Variants in SORCS1 observed in about 807,000 individuals in gnomAD.
SORCS1 encodes the protein sortilin related VPS10 domain containing receptor 1, also known as VPS10 domain-containing receptor SorCS1.
A neutral mutation model predicts 146.1 loss-of-function variants in SORCS1; 60 were observed. The observed-to-expected ratio is 0.41, with a 90% confidence interval of 0.33 to 0.51. SORCS1 has a LOEUF of 0.51. SORCS1 is among the 20% of genes least tolerant of loss of function. SORCS1 has a pLI of 0.21. For missense variants in SORCS1, 1,352 were observed against 1,487.6 expected (o/e 0.91, Z 1.50); for synonymous variants, 637 against 584.0 (o/e 1.09, Z -1.31).
intron 1 of SORCS1, among the ~76,000 whole-genome samples, chr10:106,981,390 T>C (rs1376919255): frequency 6.6e-6 from 1 of 152,210 alleles, no homozygotes; most frequent in Non-Finnish European, 1.5e-5. Flanking sequence ...TTTTTGAGGT[T>C]AAAAACTTTT....
chr10:106,704,690 AAAAAC>A (rs776872415), intron 8 of SORCS1, among the ~76,000 whole-genome samples: 4 of 152,210 alleles, frequency 2.6e-5, no homozygotes, highest in Non-Finnish European at 5.9e-5. Flanking sequence ...ATTGTGTCTC[AAAAAC>A]AAAACAAAAC....
intron 3 of SORCS1, among the ~76,000 whole-genome samples, chr10:106,801,032 C>A (rs1946841250): frequency 1.3e-5 from 2 of 152,182 alleles, no homozygotes; most frequent in Admixed American, 1.3e-4. Flanking sequence ...CACACTGGAA[C>A]CTTTCATCGT....
chr10:107,134,765 A>T lies in SORCS1; in HGVS notation c.558+29204T>A, dbSNP rs570351623. Among the ~76,000 whole-genome samples the T allele has an allele frequency of 2.0e-5, 3 of 152,322 alleles. No individual in the cohort carries two copies. In the South Asian group the frequency reaches 6.2e-4, roughly 32 times the overall value. On this transcript the variant is annotated intron_variant, in intron 1 of 25. Transcript: ENST00000263054. The stretch of plus-strand genomic sequence containing the variant: ...GAAAAGTCATTATCGTTCCAGATAC[A>T]CTATAGGGAACCCGGAAGGATTTTA...
At chr10:107,167,779 T>G (rs773623568), upstream of SORCS1, among the ~76,000 whole-genome samples, 4 of 151,930 alleles carry the variant, frequency 2.6e-5, no homozygotes, top group African/African-American at 9.7e-5. Flanking sequence ...ATATACAATA[T>G]AAACATATGT....
At chr10:107,151,569 T>C (rs1968799478) in intron 1 of SORCS1, among the ~76,000 whole-genome samples, 1 of 152,148 alleles carries the variant, frequency 6.6e-6, no homozygotes, top group Non-Finnish European at 1.5e-5. Context: ...TTATTAACTA[T>C]GACGAGAATA....
At chr10:106,963,957 A>G (rs562733286) in intron 1 of SORCS1, among the ~76,000 whole-genome samples, 4 of 152,352 alleles carry the variant, frequency 2.6e-5, no homozygotes, top group South Asian at 2.1e-4. Context: ...AAGTGTTTCT[A>G]TCTTTCAAGG....
At chr10:107,119,907 TG>T (rs1966289210) in intron 1 of SORCS1, among the ~76,000 whole-genome samples, 1 of 152,166 alleles carries the variant, frequency 6.6e-6, no homozygotes, top group South Asian at 2.1e-4. Context: ...TCTCTATCTA[TG>T]GAACTATCCG....
At chr10:106,598,142 G>A (rs528918943) in intron 23 of SORCS1, among the ~76,000 whole-genome samples, 2 of 151,924 alleles carry the variant, frequency 1.3e-5, no homozygotes, top group African/African-American at 4.8e-5. Flanking sequence ...AAAATGGTTC[G>A]TCTGTTTAGA....
At chr10:106,665,643 T>G (rs1851075489) in intron 17 of SORCS1, among the ~76,000 whole-genome samples, 1 of 152,160 alleles carries the variant, frequency 6.6e-6, no homozygotes, top group African/African-American at 2.4e-5. Flanking sequence ...TTTTAACACA[T>G]TAAAACAAAA....
intron 2 of SORCS1, among the ~76,000 whole-genome samples, chr10:106,927,838 CAG>C (rs1330201507): frequency 6.6e-6 from 1 of 151,916 alleles, no homozygotes; most frequent in African/African-American, 2.4e-5. Flanking sequence ...GAGCTAGACA[CAG>C]AGTGCCGATT....
intron 2 of SORCS1, among the ~76,000 whole-genome samples, chr10:106,901,092 G>A (rs1951682334): frequency 6.6e-6 from 1 of 152,130 alleles, no homozygotes; most frequent in South Asian, 2.1e-4. Flanking sequence ...TTATAGCCCA[G>A]CACCTAAAAT....
chr10:106,910,685 G>A (rs1952109673), intron 2 of SORCS1, among the ~76,000 whole-genome samples: 1 of 152,122 alleles, frequency 6.6e-6, no homozygotes, highest in Non-Finnish European at 1.5e-5. Context: ...ACTGAACAAA[G>A]ATACACATAC....
At chr10:106,721,848 G>C (rs143360916) in intron 6 of SORCS1, among the ~76,000 whole-genome samples, 1 of 152,044 alleles carries the variant, frequency 6.6e-6, no homozygotes, top group East Asian at 1.9e-4. Flanking sequence ...ATAACCAGAG[G>C]TCTGTATATC....
intron 13 of SORCS1, among the ~76,000 whole-genome samples, chr10:106,676,253 G>A (rs1231489563): frequency 1.3e-5 from 2 of 152,276 alleles, no homozygotes; most frequent in East Asian, 1.9e-4. Flanking sequence ...AGTTAAAAGA[G>A]CCTATTGATA....
intron 1 of SORCS1, among the ~76,000 whole-genome samples, chr10:107,055,714 T>C (rs982967466): frequency 1.3e-5 from 2 of 152,122 alleles, no homozygotes; most frequent in Admixed American, 6.6e-5. Flanking sequence ...AGAAAAATAA[T>C]ACGGCTGAAC....
At chr10:107,020,090 C>G (rs533719412) in intron 1 of SORCS1, among the ~76,000 whole-genome samples, 1 of 152,210 alleles carries the variant, frequency 6.6e-6, no homozygotes, top group African/African-American at 2.4e-5. Context: ...GAGATGAAGT[C>G]AATTTGGGAT....
intron 2 of SORCS1, among the ~76,000 whole-genome samples, chr10:106,897,077 T>G (rs975997979): frequency 1.3e-5 from 2 of 152,210 alleles, no homozygotes; most frequent in Non-Finnish European, 2.9e-5. Context: ...ATTTTTTTAG[T>G]AGAGACGGGG....
chr10:107,153,250 T>C (rs1804354539), intron 1 of SORCS1, among the ~76,000 whole-genome samples: 1 of 152,184 alleles, frequency 6.6e-6, no homozygotes, highest in African/African-American at 2.4e-5. Context: ...ACATCCTTAC[T>C]GTGGCCTTAC....
chr10:106,951,919 C>T (rs553336623), intron 2 of SORCS1, among the ~76,000 whole-genome samples: 1 of 152,254 alleles, frequency 6.6e-6, no homozygotes, highest in East Asian at 1.9e-4. Context: ...TAGGAATTGG[C>T]CCTTCCTGTC....
Sources: allele counts gnomAD v4.1 joint callset (sites outside exome capture counted in the v4.1 genomes callset), GRCh38; gene constraint gnomAD v4.1.1; transcripts MANE v1.5; gene names NCBI Gene and HGNC (gene_info 2026-07-23, HGNC 2026-07-21).